Variants in GOLGA3 observed in about 807,000 individuals in gnomAD.
GOLGA3 encodes the protein golgin subfamily A member 3.
In GOLGA3, 75 loss-of-function variants were observed where a neutral mutation model predicts 169.4. The observed-to-expected ratio is 0.44, with a 90% CI of 0.37 to 0.54. The LOEUF (loss-of-function observed/expected upper bound fraction) is 0.54, where lower values mean the gene tolerates loss of function less well. GOLGA3 is among the 20% of genes least tolerant of loss of function. The pLI is 0.00. For synonymous variants in GOLGA3, 824 were observed against 822.4 expected, an observed-to-expected ratio of 1.00 and a Z score of -0.03; for missense variants, 1,899 against 1,930.0, an observed-to-expected ratio of 0.98 and a Z score of 0.30.
intron 18 of GOLGA3, among the ~76,000 whole-genome samples, chr12:132,778,498 G>A (rs2045369427): frequency 6.8e-6 from 1 of 147,832 alleles, no homozygotes; most frequent in Non-Finnish European, 1.5e-5. Context: ...GTGAACCCGG[G>A]AGGTGGAGCT....
intron 16 of GOLGA3, among the ~76,000 whole-genome samples, chr12:132,783,344 C>A (rs1414300577): frequency 2.0e-5 from 3 of 152,252 alleles, no homozygotes; most frequent in Admixed American, 2.0e-4. Flanking sequence ...GCCCAGCCTT[C>A]TCCTGGGGCC....
rs369325987 is a variant in GOLGA3 at position 132,796,079 on chromosome 12, C to T, written c.2242G>A (p.Asp748Asn). The T allele has an allele frequency of 3.8e-5, 61 of 1,613,108 alleles. No homozygotes were observed. In the South Asian group the frequency reaches 4.3e-4, roughly 11 times the overall value. Reference sequence around the variant, plus strand: ...TCCCCCAGCCTGGCCTGCAGCTCATCGTAGTGTGTCTGCAGGGCATCGAGG... The same window carrying T: ...TCCCCCAGCCTGGCCTGCAGCTCATTGTAGTGTGTCTGCAGGGCATCGAGG... ...QSLDALQTHY[D>N]ELQARLGELQ... Residue 748 changes from aspartate (D) to asparagine (N), a missense_variant, in exon 11 of 24, where the codon GAT becomes AAT. Transcript: ENST00000450791.
Position 132,782,494 on chromosome 12 carries a change from C to T in GOLGA3, c.3268-1G>A. 1.2e-6 allele frequency: 2 copies of T among 1,610,054 alleles called. No individual in the cohort carries two copies. Among genetic ancestry groups the T allele is most frequent in the Non-Finnish European group, 1.7e-6 (2 of 1,176,288 alleles). On this transcript the variant is annotated splice_acceptor_variant, in intron 16 of 23. Transcript: ENST00000450791. LOFTEE classifies it high-confidence loss of function. ...TCCTAAAGCCTCTGGATTCTTGAAG[C>T]TGAAACATACCAATGTCACTGTAAA... is the stretch of plus-strand genomic sequence containing the variant.
Position 132,778,798 on chromosome 12 carries a change from G to A in GOLGA3, c.3583-993C>T, listed in dbSNP as rs572629929. On this transcript the variant is annotated intron_variant, in intron 18 of 23. Transcript: ENST00000450791. ...TAGTTCCAGCTACTGGGGAGGCTGA[G>A]GCAGGAGAATCACTTGAACCCGGGA... Among the ~76,000 whole-genome samples the A allele has an allele frequency of 3.4e-3, 509 of 151,752 alleles. 1 individual carries two copies. Among genetic ancestry groups the A allele is most frequent in the Non-Finnish European group, 6.3e-3 (431 of 67,914 alleles).
At chr12:132,780,697 G>A (rs2045550572) in intron 18 of GOLGA3, 101 bp downstream of exon 18, 4 of 767,572 alleles carry the variant, frequency 5.2e-6, no homozygotes, top group Non-Finnish European at 9.1e-6. Context: ...TTTGCTCTGT[G>A]TAACTGCTGG....
In GOLGA3 at chr12:132,807,879, T is replaced by C; in HGVS notation, c.1178+12A>G. The C allele has an allele frequency of 1.2e-6, 1 of 843,266 alleles. No homozygotes were observed. Among genetic ancestry groups the C allele is most frequent in the Non-Finnish European group, 1.8e-6 (1 of 566,198 alleles). The allele number at this position is 843,266 out of a possible 1,614,324, so 52.2% of individuals were successfully genotyped here. ...CTCCACCCACCCCGCCCACCTCTGC[T>C]GTCCCCACCACCTGCTGCAGATGCT... On this transcript the variant is annotated intron_variant, in intron 5 of 23. Transcript: ENST00000450791.
chr12:132,798,899 T>C (rs1020831201), intron 8 of GOLGA3, among the ~76,000 whole-genome samples: 25 of 152,198 alleles, frequency 1.6e-4, no homozygotes. Context: ...ACAGGTGCCA[T>C]TCCAGGGATA....
rs367923399 is a variant in GOLGA3, at chr12:132,777,694, T to C, written c.3694A>G (p.Lys1232Glu). The C allele has an allele frequency of 1.2e-6, 2 of 1,614,102 alleles. No individual in the cohort carries two copies. Among genetic ancestry groups the C allele is most frequent in the African/African-American group, 1.3e-5 (1 of 75,050 alleles). ...AGGTCGTCGGCCTCGGCCTGCAGCT[T>C]CTGCACCAGGTGTTCCTTGGCCTGC... ...ELQAKEHLVQ[K>E]LQAEADDLQI... The change falls in exon 19 of 24, where the codon AAG (lysine) becomes GAG (glutamate). Residue 1232 changes from lysine to glutamate, a missense_variant. By Grantham distance (56) the Lys-to-Glu change is moderately conservative (BLOSUM62 1). Transcript: ENST00000450791. This position sits in a 1 kb window ranked among gnomAD's most constrained non-coding sequence, Gnocchi z 4.7.
intron 22 of GOLGA3, 182 bp from the exon 23 acceptor site, chr12:132,774,502 G>A: frequency 1.6e-6 from 1 of 635,040 alleles, no homozygotes; most frequent in East Asian, 2.7e-5. Flanking sequence ...ATAGCTGGCT[G>A]AGGAAACACC....
rs762263656 is a variant in GOLGA3 at position 132,780,909 on chromosome 12, C to G, written c.3471G>C (p.Gln1157His). The change falls in exon 18 of 24, where the codon CAG (glutamine) becomes CAC (histidine). Residue 1157 changes from glutamine (Q) to histidine (H), a missense_variant. Gln to His is a conservative substitution (Grantham distance 24, BLOSUM62 0). Transcript: ENST00000450791. Reference sequence around the variant, plus strand: ...CCTCTTCTTTGCGCTGCAAAACTGCCTGCACCTAGATCAGATTGCAGGAGG... The same window carrying G: ...CCTCTTCTTTGCGCTGCAAAACTGCGTGCACCTAGATCAGATTGCAGGAGG... ...ADLVQLNLQV[Q>H]AVLQRKEEED... The G allele has an allele frequency of 6.2e-7, 1 of 1,609,578 alleles. No homozygotes were observed.
intron 4 of GOLGA3, among the ~76,000 whole-genome samples, chr12:132,808,870 G>A (rs770168122): frequency 3.9e-5 from 6 of 152,168 alleles, no homozygotes; most frequent in Non-Finnish European, 7.3e-5. Flanking sequence ...AGCCCCACAG[G>A]GTCAGTGGGT....
At position 132,804,795 on chromosome 12, in the gene GOLGA3, C is replaced by T; in HGVS notation, c.1518G>A (p.Gln506=). 1 of 1,614,240 alleles carries T rather than the reference C, an allele frequency of 6.2e-7. No individual in the cohort carries two copies. Among genetic ancestry groups the T allele is most frequent in the Non-Finnish European group, 8.5e-7 (1 of 1,180,042 alleles). Reference sequence around the variant, plus strand: ...GCCTCTGGTACTGCTCCTCGGCCACCTGCAAGTCGTTGTTGGACGACGCCA... The same window carrying T: ...GCCTCTGGTACTGCTCCTCGGCCACTTGCAAGTCGTTGTTGGACGACGCCA... ...ASLASSNNDL[Q]VAEEQYQRLM... is the part of the protein sequence containing the mutation. The change falls in exon 7 of 24, where the codon CAG becomes CAA. Residue 506 remains glutamine (Q), a synonymous_variant. Coordinates refer to ENST00000450791, the MANE Select transcript of GOLGA3 (RefSeq NM_001389683.1). This position sits in a 1 kb window ranked among gnomAD's most constrained non-coding sequence, Gnocchi z 4.1.
At chr12:132,779,899 C>T (rs376248788) in intron 18 of GOLGA3, among the ~76,000 whole-genome samples, 20 of 134,108 alleles carry the variant, frequency 1.5e-4, no homozygotes, top group African/African-American at 5.3e-4. Flanking sequence ...GACATCACAA[C>T]TCTTGCACGC....
chr12:132,774,555 T>G, intron 22 of GOLGA3: 4 of 581,212 alleles, frequency 6.9e-6, no homozygotes, highest in Non-Finnish European at 1.2e-5. Flanking sequence ...AGAGACAACC[T>G]AAGTCCTGGG....
At position 132,808,060 on chromosome 12, in the gene GOLGA3, C is replaced by T; in HGVS notation, c.1009G>A (p.Gly337Ser). 1 of 1,599,442 alleles carries T rather than the reference C, an allele frequency of 6.3e-7. No homozygotes were observed. The highest frequency in any genetic ancestry group is 8.5e-7 in the Non-Finnish European group (1 of 1,171,570). The change falls in exon 5 of 24, where the codon GGC (glycine) becomes AGC (serine). Residue 337 changes from glycine to serine, a missense_variant. By Grantham distance (56) the Gly-to-Ser change is moderately conservative. Coordinates refer to ENST00000450791, the MANE Select transcript of GOLGA3 (RefSeq NM_001389683.1). ...ACCATATAGGGGGTGTCCTGCGTGCCCACTGTCTTCGACAGAATGCCATAG... is the reference window on the plus strand; with the variant it reads ...ACCATATAGGGGGTGTCCTGCGTGCTCACTGTCTTCGACAGAATGCCATAG... Reference protein sequence around the residue: ...GTYGILSKTVGTQDTPYMVNG... With the variant: ...GTYGILSKTVSTQDTPYMVNG...
chr12:132,770,354 G>C lies in GOLGA3; in HGVS notation c.*2751C>G, dbSNP rs778596166. The C allele has an allele frequency of 2.0e-5, 3 of 150,696 alleles. No individual in the cohort carries two copies. Among genetic ancestry groups the C allele is most frequent in the Non-Finnish European group, 2.9e-5 (2 of 68,030 alleles). The allele number at this position is 150,696 out of a possible 1,614,324, so 9.3% of individuals were successfully genotyped here. On this transcript the variant is annotated 3_prime_UTR_variant, in exon 24 of 24. Transcript: ENST00000450791. ...CAAGCCGTGCATGAAAACACCAAAAGACTCACTGCAGGGAGCAAAGGCAGC... is the reference window on the plus strand; with the variant it reads ...CAAGCCGTGCATGAAAACACCAAAACACTCACTGCAGGGAGCAAAGGCAGC...
At position 132,828,838 on chromosome 12, in the gene GOLGA3, C is replaced by T. The variant is rs1043018941; in HGVS notation, c.-219G>A. 1 of 152,256 alleles carries T rather than the reference C, an allele frequency of 6.6e-6. No individual in the cohort carries two copies. Among genetic ancestry groups the T allele is most frequent in the Non-Finnish European group, 1.5e-5 (1 of 68,054 alleles). 9.4% of individuals were successfully genotyped at this position (152,256 alleles called of 1,614,324 possible). A position where few individuals can be genotyped will look rare whatever the true frequency, so the allele number is the denominator to read the frequency against. On this transcript the variant is annotated 5_prime_UTR_variant, in exon 1 of 24. Coordinates refer to ENST00000450791, the MANE Select transcript of GOLGA3 (RefSeq NM_001389683.1). Reference sequence around the variant, plus strand: ...TGGCAGCCCCGGAGGCCGCCCGGCCCGGATGCTCCGGCGGAGACGTGGCCG... The same window carrying T: ...TGGCAGCCCCGGAGGCCGCCCGGCCTGGATGCTCCGGCGGAGACGTGGCCG...
At position 132,777,841 on chromosome 12, in the gene GOLGA3, G is replaced by C; in HGVS notation, c.3583-36C>G. On this transcript the variant is annotated intron_variant, in intron 18 of 23. Transcript: ENST00000450791. This position sits in a 1 kb window ranked among gnomAD's most constrained non-coding sequence, Gnocchi z 4.7. ...GGAAGCCACGTTGTCCATGCCCTGC[G>C]TGACACCCACAGCTTTATGACGTGC... The C allele has an allele frequency of 3.7e-6, 6 of 1,609,882 alleles. No individual in the cohort carries two copies. The highest frequency in any genetic ancestry group is 5.1e-6 in the Non-Finnish European group (6 of 1,178,148).
chr12:132,790,071 C>G (rs904794578), intron 12 of GOLGA3, among the ~76,000 whole-genome samples: 3 of 152,062 alleles, frequency 2.0e-5, no homozygotes, highest in African/African-American at 7.3e-5. Context: ...GTGGCTCATG[C>G]CTGTAATCCC....
Sources: gnomAD v4.1 joint callset for allele counts (sites outside exome capture counted in the v4.1 genomes callset) on GRCh38, gnomAD v4.1.1 for gene constraint, Gnocchi (gnomAD v3.1) non-coding constraint, MANE v1.5 for transcripts, NCBI Gene and HGNC (gene_info 2026-07-23, HGNC 2026-07-21) for gene names.